Variants in DCC observed in about 807,000 individuals in gnomAD.
DCC encodes DCC netrin 1 receptor, also known as netrin receptor DCC.
A neutral mutation model predicts 172.5 loss-of-function variants in DCC; 58 were observed. The ratio of observed to expected loss-of-function variants is 0.34; its 90% CI spans 0.27 to 0.42. The LOEUF is 0.42. DCC is among the 10% of genes least tolerant of loss of function. The pLI, the probability that DCC is intolerant of heterozygous loss-of-function variation, is 1.00. For missense variants in DCC, 1,740 were observed against 1,791.0 expected (o/e 0.97, Z 0.51); for synonymous variants, 709 against 644.5 (o/e 1.10, Z -1.52).
At chr18:52,955,566 G>A (rs1403878914) in intron 5 of DCC, among the ~76,000 whole-genome samples, 2 of 152,014 alleles carry the variant, frequency 1.3e-5, no homozygotes, top group Non-Finnish European at 2.9e-5. Flanking sequence ...AAATATCAAA[G>A]AGCATAATTG....
At chr18:53,478,978 A>C (rs1361944844) in intron 25 of DCC, among the ~76,000 whole-genome samples, 1 of 152,224 alleles carries the variant, frequency 6.6e-6, no homozygotes, top group Non-Finnish European at 1.5e-5. Context: ...GATTGGTCCC[A>C]GCTCAATAGT....
At chr18:52,719,973 G>A (rs77262290) in intron 1 of DCC, among the ~76,000 whole-genome samples, 5,594 of 152,198 alleles carry the variant, frequency 0.037, 124 homozygotes, top group Middle Eastern at 0.065. Context: ...GACCCAGAAA[G>A]TTAGAAGAAG....
At chr18:52,844,988 C>T (rs915815805) in intron 2 of DCC, among the ~76,000 whole-genome samples, 1 of 152,194 alleles carries the variant, frequency 6.6e-6, no homozygotes, top group Non-Finnish European at 1.5e-5. Context: ...TAAAGATAGG[C>T]AGTTTTCTGC....
At chr18:53,367,896 G>A (rs1329487652) in intron 15 of DCC, among the ~76,000 whole-genome samples, 1 of 152,120 alleles carries the variant, frequency 6.6e-6, no homozygotes, top group African/African-American at 2.4e-5. Flanking sequence ...ATATTTCATT[G>A]TATATTGTAC....
intron 5 of DCC, among the ~76,000 whole-genome samples, chr18:53,040,742 C>T (rs1182867623): frequency 6.6e-6 from 1 of 151,782 alleles, no homozygotes; most frequent in Non-Finnish European, 1.5e-5. Flanking sequence ...TGGGATCTGG[C>T]AAACTAATCA....
At chr18:52,928,311 G>A (rs901410665) in intron 5 of DCC, among the ~76,000 whole-genome samples, 13 of 152,052 alleles carry the variant, frequency 8.5e-5, no homozygotes, top group African/African-American at 3.1e-4. Context: ...GGAGAAGGAA[G>A]AGAACCAAAA....
intron 9 of DCC, among the ~76,000 whole-genome samples, chr18:53,187,157 C>T (rs186850377): frequency 9.4e-5 from 14 of 149,140 alleles, no homozygotes; most frequent in African/African-American, 2.5e-4. Flanking sequence ...GAATCTTGCA[C>T]TCTTGCCCAG....
rs540604511 is a variant in DCC, at chr18:53,290,997, G to A, written c.1912-14581G>A. Among the ~76,000 whole-genome samples the A allele has an allele frequency of 7.2e-5, 11 of 151,978 alleles. No homozygotes were observed. In the East Asian group the frequency reaches 1.4e-3, roughly 19 times the overall value. The stretch of plus-strand genomic sequence containing the variant: ...GCCTGGCCAACACGGTGAAACCCCT[G>A]TCTCTACTAAAAATACAAAAATTAG... On this transcript the variant is annotated intron_variant, in intron 12 of 28. Transcript: ENST00000442544.
Position 52,647,380 on chromosome 18 carries a change from C to T in DCC, c.92-104674C>T, listed in dbSNP as rs549683015. Among the ~76,000 whole-genome samples the T allele has an allele frequency of 2.6e-5, 4 of 152,302 alleles. No individual in the cohort carries two copies. The South Asian group carries it at 6.2e-4, about 24-fold the overall frequency. ...CCTGATTACTTCTATTCAAAAACTA[C>T]AGTATGGAGGACAGGTAGTCCTGTC... On this transcript the variant is annotated intron_variant, in intron 1 of 28. Transcript: ENST00000442544.
At chr18:52,667,206 C>G (rs1416503273) in intron 1 of DCC, among the ~76,000 whole-genome samples, 1 of 151,970 alleles carries the variant, frequency 6.6e-6, no homozygotes, top group Non-Finnish European at 1.5e-5. Context: ...AGCCTAGCAG[C>G]CTTCCCAGGG....
chr18:52,799,181 G>T (rs76210227), intron 2 of DCC, among the ~76,000 whole-genome samples: 5 of 152,112 alleles, frequency 3.3e-5, no homozygotes, highest in African/African-American at 9.7e-5. Context: ...CATCTAATCC[G>T]TGGCTACTTG....
chr18:53,472,951 A>G (rs2045716229), intron 25 of DCC, among the ~76,000 whole-genome samples: 1 of 152,228 alleles, frequency 6.6e-6, no homozygotes, highest in Non-Finnish European at 1.5e-5. Flanking sequence ...ATGCTAAGGT[A>G]GACTCATTGC....
chr18:52,756,739 G>C (rs1171146461), intron 2 of DCC, among the ~76,000 whole-genome samples: 1 of 152,048 alleles, frequency 6.6e-6, no homozygotes, highest in African/African-American at 2.4e-5. Flanking sequence ...TGAGCCTCTG[G>C]AGTATTTTCT....
chr18:53,344,886 GAAA>G (rs201958177), intron 15 of DCC, among the ~76,000 whole-genome samples: 2 of 132,636 alleles, frequency 1.5e-5, no homozygotes, highest in Admixed American at 7.7e-5. Flanking sequence ...CTCTGTCTTG[GAAA>G]AAAAAAAAAA....
intron 7 of DCC, among the ~76,000 whole-genome samples, chr18:53,119,215 A>G (rs923914991): frequency 6.6e-6 from 1 of 151,840 alleles, no homozygotes; most frequent in Non-Finnish European, 1.5e-5. Flanking sequence ...GCTTCGTTTC[A>G]TTGGCGTACA....
intron 2 of DCC, among the ~76,000 whole-genome samples, chr18:52,789,417 T>C (rs1444478664): frequency 6.6e-6 from 1 of 152,106 alleles, no homozygotes; most frequent in Non-Finnish European, 1.5e-5. Flanking sequence ...AGGCTTTTTC[T>C]AGGAAAGCAA....
At chr18:53,033,842 T>C (rs1266634984) in intron 5 of DCC, among the ~76,000 whole-genome samples, 1 of 152,134 alleles carries the variant, frequency 6.6e-6, no homozygotes, top group Admixed American at 6.6e-5. Flanking sequence ...TTTCTAACAA[T>C]CCAACAAAAC....
chr18:52,374,489 A>T lies in DCC; in HGVS notation c.91+33611A>T, dbSNP rs138664389. 4.5e-4 allele frequency among the ~76,000 whole-genome samples: 69 copies of T among 152,160 alleles called. 1 individual carries two copies. The East Asian group carries it at 6.2e-3, about 14-fold the overall frequency. On this transcript the variant is annotated intron_variant, in intron 1 of 28. Coordinates refer to ENST00000442544, the MANE Select transcript of DCC (RefSeq NM_005215.4). The stretch of plus-strand genomic sequence containing the variant: ...GATGATGTTTACTTGAACTGAATAT[A>T]TACAGCTATAAATGCTATATATATA...
In DCC at chr18:52,794,439, T is replaced by A. The variant is rs9949074; in HGVS notation, c.412+42065T>A. ...TAAATGAGATCACGTCCTTCATTTT[T>A]AAAATCTAGTTTGTTATTGGTATAT... On this transcript the variant is annotated intron_variant, in intron 2 of 28. Coordinates refer to ENST00000442544, the MANE Select transcript of DCC (RefSeq NM_005215.4). 5.1e-3 allele frequency among the ~76,000 whole-genome samples: 782 copies of A among 152,238 alleles called. 6 individuals carry two copies. The highest frequency in any genetic ancestry group is 0.017 in the African/African-American group (720 of 41,572).
Sources: gnomAD v4.1 joint callset for allele counts (sites outside exome capture counted in the v4.1 genomes callset) on GRCh38, gnomAD v4.1.1 for gene constraint, MANE v1.5 for transcripts, NCBI Gene and HGNC (gene_info 2026-07-23, HGNC 2026-07-21) for gene names.